CORO7: variants seen among roughly 807,000 people sequenced by gnomAD.
CORO7 encodes coronin-7.
In CORO7, 107 loss-of-function variants were observed where a neutral mutation model predicts 126.6. The ratio of observed to expected loss-of-function variants is 0.85; its 90% CI spans 0.72 to 0.99. CORO7 has a LOEUF of 0.99. Among genes scored for constraint, CORO7 ranks in the 50% least tolerant of loss-of-function variants. CORO7 has a pLI of 0.00. For synonymous variants in CORO7, 603 were observed against 536.8 expected, an observed-to-expected ratio of 1.12 and a Z score of -1.70; for missense variants, 1,314 against 1,255.8, an observed-to-expected ratio of 1.05 and a Z score of -0.70.
At chr16:4,382,837 C>T in intron 9 of CORO7, 2 of 1,597,580 alleles carry the variant, frequency 1.3e-6, no homozygotes, top group Admixed American at 1.7e-5. Context: ...GTGTGAGGTG[C>T]CACTCATGGG....
intron 26 of CORO7, 161 bp downstream of exon 26, chr16:4,357,007 T>C (rs1269706830): frequency 1.1e-5 from 11 of 994,322 alleles, no homozygotes; most frequent in Non-Finnish European, 1.6e-5. Flanking sequence ...CCATGGTCAG[T>C]GGTAGGGCTC....
At chr16:4,411,805 C>T (rs1008534166) in intron 3 of CORO7, among the ~76,000 whole-genome samples, 3 of 152,038 alleles carry the variant, frequency 2.0e-5, no homozygotes, top group Non-Finnish European at 4.4e-5. Flanking sequence ...AGAGGCGAGG[C>T]CAGCTGGGCT....
intron 9 of CORO7, chr16:4,382,321 C>T (rs570376011): frequency 6.2e-6 from 10 of 1,610,994 alleles, no homozygotes; most frequent in East Asian, 4.5e-5. Flanking sequence ...GGGGCTGCAG[C>T]GCTACCTCCA....
At chr16:4,412,282 T>G in intron 3 of CORO7, 74 bp downstream of exon 3, 6 of 1,535,894 alleles carry the variant, frequency 3.9e-6, no homozygotes, top group Non-Finnish European at 5.4e-6. Flanking sequence ...TGGGACCAGG[T>G]GAGGATGAAT....
At chr16:4,368,976 G>A (rs1162430164) in intron 9 of CORO7, among the ~76,000 whole-genome samples, 2 of 152,174 alleles carry the variant, frequency 1.3e-5, no homozygotes, top group Non-Finnish European at 2.9e-5. Flanking sequence ...TGAGAGGTGG[G>A]AAACAGGCCT....
intron 24 of CORO7, 21 bp downstream of exon 24, chr16:4,358,346 G>A: frequency 6.2e-7 from 1 of 1,610,314 alleles, no homozygotes; most frequent in East Asian, 2.2e-5. Flanking sequence ...GGGCATGGGA[G>A]TCCCAGGTCC....
intron 9 of CORO7, among the ~76,000 whole-genome samples, chr16:4,379,158 C>T (rs2054863288): frequency 6.6e-6 from 1 of 152,058 alleles, no homozygotes; most frequent in Admixed American, 6.5e-5. Flanking sequence ...GGGTCGGGGT[C>T]GTGTTCCCTG....
intron 9 of CORO7, among the ~76,000 whole-genome samples, chr16:4,372,536 G>A (rs575655089): frequency 6.6e-6 from 1 of 152,314 alleles, no homozygotes; most frequent in East Asian, 1.9e-4. Flanking sequence ...GGTGGGGGAT[G>A]GACCTGTACT....
At position 4,416,582 on chromosome 16, in the gene CORO7, T is replaced by A; in HGVS notation, c.-64A>T. 1 of 1,545,240 alleles carries A rather than the reference T, an allele frequency of 6.5e-7. No homozygotes were observed. Among genetic ancestry groups the A allele is most frequent in the East Asian group, 2.7e-5 (1 of 37,632 alleles). On this transcript the variant is annotated 5_prime_UTR_variant, in exon 1 of 28. Transcript: ENST00000251166. ...CGGGCGTCGGGTCTCAGGTGCACGC[T>A]GAGCAACCGCGACTCCCGCTGCCTC... is the stretch of plus-strand genomic sequence containing the variant.
At chr16:4,402,218 G>A (rs2055836077) in intron 6 of CORO7, among the ~76,000 whole-genome samples, 3 of 151,348 alleles carry the variant, frequency 2.0e-5, no homozygotes, top group Admixed American at 6.6e-5. Flanking sequence ...GATTACAGGC[G>A]TGAGCCACTG....
At position 4,358,428 on chromosome 16, in the gene CORO7, C is replaced by T. The variant is rs779929606; in HGVS notation, c.2396G>A (p.Arg799Gln). ...ECDVREVELM[R>Q]CLRLRQSSLE... is the part of the protein sequence containing the mutation. ...GGAGGACTGACGCAGCCGCAGGCAC[C>T]GCATCAGCTCCACTTCCCGCACGTC... The change falls in exon 24 of 28, where the codon CGG becomes CAG. Residue 799 changes from arginine (R) to glutamine (Q), a missense_variant. Coordinates refer to ENST00000251166, the MANE Select transcript of CORO7 (RefSeq NM_024535.5). The T allele has an allele frequency of 2.1e-5, 34 of 1,612,010 alleles. No homozygotes were observed. Among genetic ancestry groups the T allele is most frequent in the South Asian group, 3.3e-5 (3 of 91,024 alleles).
intron 9 of CORO7, chr16:4,381,900 GCTTGACTACGCCGA>G (rs1707832714): frequency 6.2e-7 from 1 of 1,605,874 alleles, no homozygotes; most frequent in Non-Finnish European, 8.5e-7. Context: ...TGCTCCTGGA[GCTTGACTACGCCGA>G]CTTTGGCTGC....
chr16:4,382,912 C>T (rs1291165739), intron 9 of CORO7: 2 of 1,489,638 alleles, frequency 1.3e-6, no homozygotes, highest in Non-Finnish European at 1.8e-6. Flanking sequence ...CAGAGAGAGA[C>T]AGGGCAGCTG....
chr16:4,397,375 G>T, intron 6 of CORO7: 1 of 151,540 alleles, frequency 6.6e-6, no homozygotes. Flanking sequence ...CCTGGGAGAC[G>T]GAGGTTGCAA....
chr16:4,369,834 T>C (rs1051521639), intron 9 of CORO7, among the ~76,000 whole-genome samples: 4 of 152,106 alleles, frequency 2.6e-5, no homozygotes, highest in Non-Finnish European at 5.9e-5. Context: ...GTTAGGATCC[T>C]TTGACCCCCC....
rs905086574 is a variant in CORO7, at chr16:4,413,606, T to C, written c.61-202A>G. On this transcript the variant is annotated intron_variant, in intron 1 of 27. Transcript: ENST00000251166. ...AGGCTAGAGTGCAGTGGCGCGATCT[T>C]GGATCACTGCAATCTCTGCCTCTTG... 4.4e-5 allele frequency: 21 copies of C among 480,150 alleles called. 1 individual carries two copies. Among genetic ancestry groups the C allele is most frequent in the African/African-American group, 8.1e-5 (4 of 49,604 alleles). 29.7% of individuals were successfully genotyped at this position (480,150 alleles called of 1,614,324 possible).
At chr16:4,400,052 G>C (rs2055743928) in intron 6 of CORO7, among the ~76,000 whole-genome samples, 1 of 152,158 alleles carries the variant, frequency 6.6e-6, no homozygotes, top group Non-Finnish European at 1.5e-5. Context: ...GATCTGGGAG[G>C]AGGGCGGAAG....
At chr16:4,385,154 G>A (rs2055151925) in intron 9 of CORO7, among the ~76,000 whole-genome samples, 1 of 152,186 alleles carries the variant, frequency 6.6e-6, no homozygotes, top group Non-Finnish European at 1.5e-5. Context: ...GCAGACGTGG[G>A]GGTGTGCGAG....
intron 8 of CORO7, 53 bp from the exon 9 acceptor site, chr16:4,388,121 C>A (rs72766585): frequency 2.6e-6 from 4 of 1,566,574 alleles, no homozygotes; most frequent in Non-Finnish European, 2.6e-6. Flanking sequence ...CAGCCCCACC[C>A]GGGGGGCTCC....
Sources: gnomAD v4.1 joint callset for allele counts (sites outside exome capture counted in the v4.1 genomes callset) on GRCh38, gnomAD v4.1.1 for gene constraint, MANE v1.5 for transcripts, NCBI Gene and HGNC (gene_info 2026-07-23, HGNC 2026-07-21) for gene names.